PDE4D: variants seen among roughly 807,000 people sequenced by gnomAD.
PDE4D encodes the protein phosphodiesterase 4D, also known as 3',5'-cyclic-AMP phosphodiesterase 4D.
Under a neutral mutation model 87.4 loss-of-function variants are expected in PDE4D, and 24 were observed. The observed-to-expected ratio is 0.27, with a 90% CI of 0.20 to 0.39. The LOEUF is 0.39. Among genes scored for constraint, PDE4D ranks in the 10% least tolerant of loss-of-function variants. The pLI is 1.00. For synonymous variants in PDE4D, 384 were observed against 383.2 expected (o/e 1.00, Z -0.02); for missense variants, 714 against 1,041.0 (o/e 0.69, Z 4.32).
intron 1 of PDE4D, among the ~76,000 whole-genome samples, chr5:59,702,450 A>G (rs1474999564): frequency 6.6e-6 from 1 of 152,146 alleles, no homozygotes; most frequent in Non-Finnish European, 1.5e-5. Context: ...TTTAAAATAA[A>G]TTATAATCGT....
chr5:59,508,971 TTGG>T (rs1315164374), intron 1 of PDE4D, among the ~76,000 whole-genome samples: 11 of 151,756 alleles, frequency 7.2e-5, no homozygotes, highest in African/African-American at 2.7e-4. Context: ...CTTACTAGGG[TTGG>T]GATAGATTAA....
At chr5:59,593,578 A>G (rs1234292549) in intron 1 of PDE4D, among the ~76,000 whole-genome samples, 1 of 152,194 alleles carries the variant, frequency 6.6e-6, no homozygotes, top group African/African-American at 2.4e-5. Flanking sequence ...AAGCTGAACA[A>G]ACTGAAAAAT....
chr5:59,730,082 T>C (rs139542365), intron 1 of PDE4D, among the ~76,000 whole-genome samples: 1 of 152,154 alleles, frequency 6.6e-6, no homozygotes, highest in East Asian at 1.9e-4. Context: ...TAAGAGTCAA[T>C]ACTTAGGGTG....
At chr5:59,186,101 G>A (rs1486155109) in intron 3 of PDE4D, among the ~76,000 whole-genome samples, 1 of 152,132 alleles carries the variant, frequency 6.6e-6, no homozygotes, top group East Asian at 1.9e-4. Flanking sequence ...AGTTTCCCCA[G>A]GGTCAAACCC....
At chr5:59,211,105 CCTTTT>C (rs1054760173) in intron 2 of PDE4D, among the ~76,000 whole-genome samples, 1 of 152,038 alleles carries the variant, frequency 6.6e-6, no homozygotes, top group African/African-American at 2.4e-5. Context: ...GGGCAACCAG[CCTTTT>C]GTTATCTAGT....
At chr5:59,902,972 T>C (rs189096752) in intron 3 of PDE4D, among the ~76,000 whole-genome samples, 7 of 152,274 alleles carry the variant, frequency 4.6e-5, no homozygotes, top group Admixed American at 2.6e-4. Flanking sequence ...AGTTTTATAG[T>C]TAAATAAAGT....
chr5:59,388,790 G>A lies in PDE4D; in HGVS notation c.456-172822C>T, dbSNP rs979822729. ...AACCTAATATTAAATATTTATTTTT[G>A]TTGATGTAAGGAACATTAATAGCCT... On this transcript the variant is annotated intron_variant, in intron 1 of 14. Transcript: ENST00000340635. Among the ~76,000 whole-genome samples the A allele has an allele frequency of 7.9e-5, 12 of 151,966 alleles. No homozygotes were observed. The East Asian group carries it at 2.3e-3, about 29-fold the overall frequency.
At chr5:59,076,772 C>T (rs1335274775) in intron 5 of PDE4D, among the ~76,000 whole-genome samples, 1 of 152,124 alleles carries the variant, frequency 6.6e-6, no homozygotes, top group Non-Finnish European at 1.5e-5. Context: ...CTGTCTCTAC[C>T]TGATCACTCC....
chr5:60,333,912 G>T (rs1319665070), intron 1 of PDE4D, among the ~76,000 whole-genome samples: 1 of 152,022 alleles, frequency 6.6e-6, no homozygotes, highest in Admixed American at 6.6e-5. Context: ...ATACACAACG[G>T]GTCAATATCA....
At position 59,172,640 on chromosome 5, in the gene PDE4D, G is replaced by A. The variant is rs929073623; in HGVS notation, c.808+7955C>T. Among the ~76,000 whole-genome samples, 12 of 151,532 alleles carry A rather than the reference G, an allele frequency of 7.9e-5. No homozygotes were observed. The South Asian group carries it at 2.5e-3, about 32-fold the overall frequency. On this transcript the variant is annotated intron_variant, in intron 5 of 14. Coordinates refer to ENST00000340635, the MANE Select transcript of PDE4D (RefSeq NM_001104631.2). ...GGAGGATTGCTGGAGACTGGGAGGCGGAGGTTGCAATGAGACAAGATCGTA... is the reference window on the plus strand; with the variant it reads ...GGAGGATTGCTGGAGACTGGGAGGCAGAGGTTGCAATGAGACAAGATCGTA...
Position 59,777,006 on chromosome 5 carries a change from C to T in PDE4D, c.455+116162G>A, listed in dbSNP as rs529772462. Reference sequence around the variant, plus strand: ...GTAGACTCGCCTGGCTCTAAATCCACCTGCATCCTCCAGCATGTCCAGAGA... The same window carrying T: ...GTAGACTCGCCTGGCTCTAAATCCATCTGCATCCTCCAGCATGTCCAGAGA... On this transcript the variant is annotated intron_variant, in intron 1 of 14. Coordinates refer to ENST00000340635, the MANE Select transcript of PDE4D (RefSeq NM_001104631.2). Among the ~76,000 whole-genome samples the T allele has an allele frequency of 3.9e-4, 60 of 152,330 alleles. No homozygotes were observed. The Middle Eastern group carries it at 0.01, about 26-fold the overall frequency.
chr5:59,859,766 A>G (rs980052964), intron 1 of PDE4D, among the ~76,000 whole-genome samples: 27 of 152,302 alleles, frequency 1.8e-4, no homozygotes, highest in Admixed American at 1.2e-3. Flanking sequence ...CACTCATGAA[A>G]GTGGTACTTG....
chr5:60,375,081 A>G (rs374179150), intron 1 of PDE4D, among the ~76,000 whole-genome samples: 4 of 152,254 alleles, frequency 2.6e-5, no homozygotes, highest in African/African-American at 9.6e-5. Flanking sequence ...AAACCTTTCC[A>G]ATCTTTCTGG....
At chr5:60,012,736 C>T (rs1250697475) in intron 2 of PDE4D, among the ~76,000 whole-genome samples, 1 of 152,082 alleles carries the variant, frequency 6.6e-6, no homozygotes, top group African/African-American at 2.4e-5. Context: ...TTTAGGAAAA[C>T]ATCATATTCT....
intron 5 of PDE4D, among the ~76,000 whole-genome samples, chr5:59,053,905 G>A (rs1001789482): frequency 6.6e-6 from 1 of 151,822 alleles, no homozygotes; most frequent in Non-Finnish European, 1.5e-5. Flanking sequence ...GACAGAGTGA[G>A]ATTCTGTCTC....
At chr5:60,238,308 T>C (rs992248720) in intron 1 of PDE4D, among the ~76,000 whole-genome samples, 1 of 152,006 alleles carries the variant, frequency 6.6e-6, no homozygotes, top group Non-Finnish European at 1.5e-5. Flanking sequence ...CTTTCTTCTG[T>C]TGATAGAAAT....
At chr5:59,153,735 C>T (rs1211057020) in intron 5 of PDE4D, among the ~76,000 whole-genome samples, 2 of 148,938 alleles carry the variant, frequency 1.3e-5, no homozygotes, top group East Asian at 2.0e-4. Flanking sequence ...AAAAGAATTG[C>T]TATACTGGTG....
Position 59,043,614 on chromosome 5 carries a change from G to C in PDE4D, c.809-4643C>G, listed in dbSNP as rs186275495. The stretch of plus-strand genomic sequence containing the variant: ...GTACATGTGCACAATGTGCAGGTTA[G>C]TTTCATATGTATACATGTGCCATGT... On this transcript the variant is annotated intron_variant, in intron 5 of 14. Coordinates refer to ENST00000340635, the MANE Select transcript of PDE4D (RefSeq NM_001104631.2). 5.0e-3 allele frequency among the ~76,000 whole-genome samples: 758 copies of C among 152,196 alleles called. 3 individuals carry two copies. The highest frequency in any genetic ancestry group is 0.017 in the African/African-American group (724 of 41,512).
intron 1 of PDE4D, among the ~76,000 whole-genome samples, chr5:59,696,021 T>C (rs1278001288): frequency 1.3e-5 from 2 of 152,232 alleles, no homozygotes; most frequent in African/African-American, 2.4e-5. Context: ...CCTTTAGTTA[T>C]TGTCTTCTTT....
Sources: gnomAD v4.1 joint callset for allele counts (sites outside exome capture counted in the v4.1 genomes callset) on GRCh38, gnomAD v4.1.1 for gene constraint, MANE v1.5 for transcripts, NCBI Gene and HGNC (gene_info 2026-07-23, HGNC 2026-07-21) for gene names.